Variants in STARD13 observed in about 807,000 individuals in gnomAD.
STARD13 encodes StAR related lipid transfer domain containing 13, also known as stAR-related lipid transfer protein 13.
Under a neutral mutation model 106.4 loss-of-function variants are expected in STARD13, and 62 were observed. That is an observed-to-expected ratio of 0.58 (90% confidence interval 0.48 to 0.72). STARD13 has a LOEUF of 0.72. Among genes scored for constraint, STARD13 ranks in the 30% least tolerant of loss-of-function variants. The probability of loss-of-function intolerance (pLI) is 0.00; values close to 1 mark genes in which losing one functional copy is unlikely to be tolerated. For missense variants in STARD13, 1,387 were observed against 1,424.0 expected, an observed-to-expected ratio of 0.97 and a Z score of 0.42; for synonymous variants, 565 against 553.0, an observed-to-expected ratio of 1.02 and a Z score of -0.31.
At chr13:33,289,849 A>AC (rs11438128), upstream of STARD13, among the ~76,000 whole-genome samples, 1,075 of 90,068 alleles carry the variant, frequency 0.012, 8 homozygotes, top group African/African-American at 0.04. Flanking sequence ...GACTCTCCCC[A>AC]CCCCCCCAAC....
At chr13:33,137,972 C>T (rs1284898604) in intron 4 of STARD13, among the ~76,000 whole-genome samples, 1 of 152,210 alleles carries the variant, frequency 6.6e-6, no homozygotes, top group East Asian at 1.9e-4. Flanking sequence ...TGCAGTGCCT[C>T]TGAAATGCCG....
chr13:33,122,305 G>A (rs1013612001), intron 7 of STARD13, among the ~76,000 whole-genome samples: 3 of 152,238 alleles, frequency 2.0e-5, no homozygotes, highest in Non-Finnish European at 4.4e-5. Flanking sequence ...TCTGATCACA[G>A]TGGATGGGCA....
intron 4 of STARD13, among the ~76,000 whole-genome samples, chr13:33,133,608 T>A (rs1324316554): frequency 2.6e-5 from 4 of 151,596 alleles, no homozygotes; most frequent in Non-Finnish European, 5.9e-5. Context: ...ACAAAAAATG[T>A]ATTTTCCATC....
chr13:33,615,681 A>C, the STARD13 span, among the ~76,000 whole-genome samples: 34 of 152,132 alleles, frequency 2.2e-4, no homozygotes, highest in African/African-American at 8.0e-4. Context: ...TAAAACAACA[A>C]CACAATTAAG....
chr13:33,128,844 T>C, intron 5 of STARD13, 85 bp downstream of exon 5: 1 of 1,376,306 alleles, frequency 7.3e-7, no homozygotes. Context: ...TAGTAAGTAC[T>C]CTGTGTATGT....
the STARD13 span, among the ~76,000 whole-genome samples, chr13:33,396,035 A>G: frequency 1.3e-5 from 2 of 151,930 alleles, no homozygotes; most frequent in Non-Finnish European, 2.9e-5. Flanking sequence ...TTTTTTTGGT[A>G]GAGGTGAGGT....
chr13:33,292,600 C>CAA (rs139950581), intron 1 of STARD13, among the ~76,000 whole-genome samples: 3,963 of 137,916 alleles, frequency 0.029, 127 homozygotes, highest in Non-Finnish European at 0.042. Context: ...GACCCCATTT[C>CAA]AAAAAAAAAA....
chr13:33,531,853 GAATTAT>G, the STARD13 span, among the ~76,000 whole-genome samples: 1 of 152,014 alleles, frequency 6.6e-6, no homozygotes, highest in African/African-American at 2.4e-5. Flanking sequence ...GACTATGACA[GAATTAT>G]AATATTCCAT....
intron 1 of STARD13, among the ~76,000 whole-genome samples, chr13:33,174,285 T>C (rs1386670097): frequency 6.6e-6 from 1 of 152,120 alleles, no homozygotes. Flanking sequence ...CATATATATA[T>C]ACTATATAGT....
At chr13:33,376,030 T>C in the STARD13 span, among the ~76,000 whole-genome samples, 2 of 152,084 alleles carry the variant, frequency 1.3e-5, no homozygotes, top group African/African-American at 4.8e-5. Context: ...ACTTAAGTAA[T>C]AGAAAAGAAA....
At chr13:33,464,240 G>C in the STARD13 span, among the ~76,000 whole-genome samples, 57 of 151,390 alleles carry the variant, frequency 3.8e-4, no homozygotes, top group African/African-American at 1.1e-3. Flanking sequence ...ATGGATAAAG[G>C]GTATTTTATT....
upstream of STARD13, chr13:33,285,837 G>A (rs1192826672): frequency 2.3e-6 from 3 of 1,286,662 alleles, no homozygotes; most frequent in African/African-American, 1.5e-5. Context: ...CCAATGAGAG[G>A]AAGAGAGGAA....
At chr13:33,116,239 C>A (rs1403863963) in intron 8 of STARD13, among the ~76,000 whole-genome samples, 1 of 152,174 alleles carries the variant, frequency 6.6e-6, no homozygotes, top group Non-Finnish European at 1.5e-5. Context: ...ATGCTATCTG[C>A]CGAGCAGGTA....
At chr13:33,645,018 T>G in the STARD13 span, among the ~76,000 whole-genome samples, 192 of 152,328 alleles carry the variant, frequency 1.3e-3, 1 homozygote, top group African/African-American at 4.4e-3. Flanking sequence ...AGTAGTTCTT[T>G]GTGGTAGATT....
chr13:33,484,814 A>C, the STARD13 span, among the ~76,000 whole-genome samples: 33,430 of 152,148 alleles, frequency 0.22, 6,793 homozygotes, highest in African/African-American at 0.54. Context: ...ATGGGAGCAG[A>C]AGTTAGGGAA....
chr13:33,500,175 T>C, the STARD13 span, among the ~76,000 whole-genome samples: 1 of 152,020 alleles, frequency 6.6e-6, no homozygotes, highest in Non-Finnish European at 1.5e-5. Flanking sequence ...CTTCAACATA[T>C]AAATTTGGGA....
At chr13:33,576,070 G>A in the STARD13 span, among the ~76,000 whole-genome samples, 8 of 152,146 alleles carry the variant, frequency 5.3e-5, no homozygotes, top group Non-Finnish European at 1.2e-4. Flanking sequence ...AGCTCAGAGG[G>A]AGCTTTATAG....
chr13:33,340,524 A>G (rs531481570), intron 1 of STARD13, among the ~76,000 whole-genome samples: 47 of 152,354 alleles, frequency 3.1e-4, no homozygotes, highest in African/African-American at 1.1e-3. Context: ...ATATCATTGC[A>G]AGCAAATGTA....
At chr13:33,626,909 C>G in the STARD13 span, among the ~76,000 whole-genome samples, 1 of 152,084 alleles carries the variant, frequency 6.6e-6, no homozygotes, top group African/African-American at 2.4e-5. Flanking sequence ...TTGTCCTGCA[C>G]TAGCAAAAAA....
Sources: allele counts gnomAD v4.1 joint callset (sites outside exome capture counted in the v4.1 genomes callset), GRCh38; gene constraint gnomAD v4.1.1; transcripts MANE v1.5; gene names NCBI Gene and HGNC (gene_info 2026-07-23, HGNC 2026-07-21).